Variants in GATAD2B observed in about 807,000 individuals in gnomAD.
GATAD2B encodes the protein transcriptional repressor p66-beta.
A neutral mutation model predicts 64.3 loss-of-function variants in GATAD2B; 8 were observed. The ratio of observed to expected loss-of-function variants is 0.12; its 90% CI spans 0.07 to 0.22. The LOEUF (loss-of-function observed/expected upper bound fraction) is 0.22. Among genes scored for constraint, GATAD2B ranks in the 10% least tolerant of loss-of-function variants. The probability of loss-of-function intolerance (pLI) is 1.00; values close to 1 mark genes in which losing one functional copy is unlikely to be tolerated. For missense variants in GATAD2B, 453 were observed against 752.0 expected (o/e 0.60, Z 4.65); for synonymous variants, 281 against 271.3 (o/e 1.04, Z -0.35).
chr1:153,878,904 A>G (rs1676920305), intron 1 of GATAD2B, among the ~76,000 whole-genome samples: 1 of 150,002 alleles, frequency 6.7e-6, no homozygotes, highest in Non-Finnish European at 1.5e-5. Flanking sequence ...CAGGCTCCCG[A>G]GTAGTTGGGA....
intron 1 of GATAD2B, among the ~76,000 whole-genome samples, chr1:153,883,481 T>C (rs934975855): frequency 1.3e-5 from 2 of 152,246 alleles, no homozygotes; most frequent in Non-Finnish European, 2.9e-5. Context: ...ATCTAGACAC[T>C]GCTATCATTT....
At chr1:153,836,851 T>C (rs1400572516) in intron 1 of GATAD2B, among the ~76,000 whole-genome samples, 3 of 152,174 alleles carry the variant, frequency 2.0e-5, no homozygotes, top group Non-Finnish European at 2.9e-5. Context: ...TTGACAATTA[T>C]ACAAACAGCT....
chr1:153,889,232 G>GA (rs1677282154), intron 1 of GATAD2B, among the ~76,000 whole-genome samples: 1 of 151,610 alleles, frequency 6.6e-6, no homozygotes, highest in South Asian at 2.1e-4. Flanking sequence ...GACCAACATG[G>GA]AAAAAACCTA....
intron 7 of GATAD2B, among the ~76,000 whole-genome samples, chr1:153,815,579 C>T (rs1461242674): frequency 6.6e-6 from 1 of 151,624 alleles, no homozygotes; most frequent in Non-Finnish European, 1.5e-5. Context: ...AACTTACTGT[C>T]CTACAAAAAA....
chr1:153,902,944 G>A (rs558534257), intron 1 of GATAD2B, among the ~76,000 whole-genome samples: 11 of 152,288 alleles, frequency 7.2e-5, no homozygotes, highest in Middle Eastern at 3.4e-3. Context: ...ACAGCCGGCC[G>A]CGGTGGCTCA....
chr1:153,921,988 G>C (rs1256006284), intron 1 of GATAD2B: 1 of 152,134 alleles, frequency 6.6e-6, no homozygotes, highest in African/African-American at 2.4e-5. Context: ...AAGTTCCACC[G>C]ACCCTCAGGA....
intron 1 of GATAD2B, among the ~76,000 whole-genome samples, chr1:153,853,648 G>C (rs1675986524): frequency 6.6e-6 from 1 of 152,110 alleles, no homozygotes; most frequent in Non-Finnish European, 1.5e-5. Context: ...TGTTGCCTGT[G>C]TTTTTGATGT....
At chr1:153,865,382 A>ACC (rs1676440316) in intron 1 of GATAD2B, among the ~76,000 whole-genome samples, 1 of 152,004 alleles carries the variant, frequency 6.6e-6, no homozygotes, top group South Asian at 2.1e-4. Flanking sequence ...AATCGCTTGA[A>ACC]CATGGGAGGC....
intron 1 of GATAD2B, among the ~76,000 whole-genome samples, chr1:153,854,760 C>CA (rs1482010561): frequency 1.3e-5 from 2 of 152,086 alleles, no homozygotes; most frequent in Non-Finnish European, 2.9e-5. Context: ...TTCATATAAA[C>CA]AAAATAACTC....
At chr1:153,824,565 T>C (rs965801906) in intron 2 of GATAD2B, among the ~76,000 whole-genome samples, 16 of 142,274 alleles carry the variant, frequency 1.1e-4, no homozygotes, top group African/African-American at 3.4e-4. Context: ...CGAGCCAAGA[T>C]TGCGCCACTT....
chr1:153,862,764 G>A (rs1356845277), intron 1 of GATAD2B, among the ~76,000 whole-genome samples: 1 of 122,006 alleles, frequency 8.2e-6, no homozygotes, highest in African/African-American at 3.2e-5. Flanking sequence ...TGCTCTTGTT[G>A]CCCAGGCTGG....
In GATAD2B at chr1:153,816,618, T is replaced by C. The variant is rs1674491028; in HGVS notation, c.901-30A>G. 2 of 1,506,422 alleles carry C rather than the reference T, an allele frequency of 1.3e-6. No individual in the cohort carries two copies. The highest frequency in any genetic ancestry group is 1.8e-6 in the Non-Finnish European group (2 of 1,088,248). The allele number at this position is 1,506,422 out of a possible 1,614,324, so 93.3% of individuals were successfully genotyped here. On this transcript the variant is annotated intron_variant, in intron 6 of 10. Coordinates refer to ENST00000368655, the MANE Select transcript of GATAD2B (RefSeq NM_020699.4). The surrounding 1 kb of genome is among the most constrained non-coding windows in gnomAD (Gnocchi z 4.9). ...AATAGATTGAGAATGCGGTCAATCA[T>C]GGTATGCAGGAGAAAGGGCCAATTC...
At position 153,875,482 on chromosome 1, in the gene GATAD2B, T is replaced by C. The variant is rs574449038; in HGVS notation, c.-1-47134A>G. On this transcript the variant is annotated intron_variant, in intron 1 of 10. Transcript: ENST00000368655. ...GGTTAGACAAGCTTGATCTATACCA[T>C]GCGGTTCTTACAAACTTCTTCTGTA... Among the ~76,000 whole-genome samples, 13 of 152,248 alleles carry C rather than the reference T, an allele frequency of 8.5e-5. No homozygotes were observed. The South Asian group carries it at 2.7e-3, about 32-fold the overall frequency.
intron 2 of GATAD2B, among the ~76,000 whole-genome samples, chr1:153,821,952 G>A (rs1674699461): frequency 6.6e-6 from 1 of 151,796 alleles, no homozygotes; most frequent in Non-Finnish European, 1.5e-5. Flanking sequence ...CATTTTGGGT[G>A]GGCAGATCAC....
Position 153,812,029 on chromosome 1 carries a change from A to C in GATAD2B, c.1523T>G (p.Leu508Arg). 1 of 1,594,824 alleles carries C rather than the reference A, an allele frequency of 6.3e-7. No individual in the cohort carries two copies. The highest frequency in any genetic ancestry group is 8.6e-7 in the Non-Finnish European group (1 of 1,163,222). The change falls in exon 9 of 11, where the codon CTT becomes CGT. Residue 508 changes from leucine (L) to arginine (R), a missense_variant. Transcript: ENST00000368655. ...KQETIMRHHT[L>R]RQAPQPQSSL... ...AGGCAAAAAGTTCCTTACCTGCCGA[A>C]GCGTATGATGTCTCATGATGGTCTC...
intron 2 of GATAD2B, among the ~76,000 whole-genome samples, chr1:153,822,781 G>A (rs1033569959): frequency 3.3e-5 from 5 of 152,130 alleles, no homozygotes; most frequent in South Asian, 4.1e-4. Flanking sequence ...ACAGGCATGA[G>A]CCACCGCGTC....
chr1:153,833,157 T>C (rs567287874), intron 1 of GATAD2B, among the ~76,000 whole-genome samples: 51 of 152,272 alleles, frequency 3.3e-4, no homozygotes, highest in African/African-American at 1.2e-3. Context: ...TAGAGCACTA[T>C]GATTGCACCT....
chr1:153,862,817 C>T (rs1007793935), intron 1 of GATAD2B, among the ~76,000 whole-genome samples: 2 of 151,426 alleles, frequency 1.3e-5, no homozygotes, highest in African/African-American at 4.9e-5. Flanking sequence ...CTCCACCTCC[C>T]GGGTTCAAGC....
At chr1:153,870,993 A>ACCTCTGCCTCCCCTCTTGCCTCAG (rs1553195193) in intron 1 of GATAD2B, among the ~76,000 whole-genome samples, 2 of 152,020 alleles carry the variant, frequency 1.3e-5, no homozygotes, top group African/African-American at 4.8e-5. Flanking sequence ...GCTCACTGCA[A>ACCTCTGCCTCCCCTCTTGCCTCAG]CCTCTGCCTC....
Sources: gnomAD v4.1 joint callset for allele counts (sites outside exome capture counted in the v4.1 genomes callset) on GRCh38, gnomAD v4.1.1 for gene constraint, Gnocchi (gnomAD v3.1) non-coding constraint, MANE v1.5 for transcripts, NCBI Gene and HGNC (gene_info 2026-07-23, HGNC 2026-07-21) for gene names.